Variants in ADCK1 observed in about 807,000 individuals in gnomAD.
The protein encoded by ADCK1 is aarF domain-containing protein kinase 1.
ADCK1 carries 41 observed loss-of-function variants against 52.3 expected under a neutral mutation model. The ratio of observed to expected loss-of-function variants is 0.78; its 90% CI spans 0.61 to 1.02. The LOEUF is 1.02. Ranked by LOEUF, ADCK1 falls within the 50% of genes least tolerant of loss-of-function variation. The probability of loss-of-function intolerance (pLI) is 0.00; values close to 1 mark genes in which losing one functional copy is unlikely to be tolerated. For synonymous variants in ADCK1, 250 were observed against 274.6 expected, an observed-to-expected ratio of 0.91 and a Z score of 0.89; for missense variants, 658 against 679.5, an observed-to-expected ratio of 0.97 and a Z score of 0.35.
chr14:77,912,966 C>G (rs77414556), intron 7 of ADCK1, among the ~76,000 whole-genome samples: 5,690 of 152,288 alleles, frequency 0.037, 156 homozygotes, highest in South Asian at 0.064. Context: ...CACATCCTCT[C>G]TCTGGTCCTC....
chr14:77,845,578 C>T (rs1485033123), intron 3 of ADCK1, among the ~76,000 whole-genome samples: 5 of 152,114 alleles, frequency 3.3e-5, no homozygotes, highest in Non-Finnish European at 7.4e-5. Flanking sequence ...ACATGCATCA[C>T]CACACCCGGC....
At chr14:77,839,255 GA>G (rs2082018427) in intron 3 of ADCK1, among the ~76,000 whole-genome samples, 1 of 152,182 alleles carries the variant, frequency 6.6e-6, no homozygotes, top group Admixed American at 6.5e-5. Flanking sequence ...ACTGTTAGAG[GA>G]AGAGGCAGGG....
chr14:77,909,420 C>T (rs992579057), intron 7 of ADCK1, among the ~76,000 whole-genome samples: 1 of 152,200 alleles, frequency 6.6e-6, no homozygotes, highest in African/African-American at 2.4e-5. Flanking sequence ...CAGGCGTGAG[C>T]CACCGCGCCT....
At chr14:77,908,129 A>G (rs1249210570) in intron 7 of ADCK1, 1 of 454,816 alleles carries the variant, frequency 2.2e-6, no homozygotes, top group African/African-American at 2.0e-5. Flanking sequence ...CTGCAGGGAC[A>G]TGCTGAACCC....
chr14:77,843,584 A>G (rs1406406048), intron 3 of ADCK1, among the ~76,000 whole-genome samples: 1 of 152,162 alleles, frequency 6.6e-6, no homozygotes, highest in Non-Finnish European at 1.5e-5. Flanking sequence ...GTGTGATGGC[A>G]GGCTTGCTCA....
At chr14:77,836,934 C>T (rs144724374) in intron 3 of ADCK1, among the ~76,000 whole-genome samples, 291 of 151,710 alleles carry the variant, frequency 1.9e-3, no homozygotes, top group African/African-American at 6.4e-3. Context: ...CCACCTCATC[C>T]GGCTACAGGG....
intron 3 of ADCK1, chr14:77,827,895 C>G: frequency 2.5e-6 from 1 of 401,746 alleles, no homozygotes; most frequent in South Asian, 1.8e-5. Context: ...TTGGCGTGAT[C>G]TCGGCTCACT....
At chr14:77,810,302 A>G (rs2081313538) in intron 1 of ADCK1, among the ~76,000 whole-genome samples, 1 of 151,642 alleles carries the variant, frequency 6.6e-6, no homozygotes, top group South Asian at 2.1e-4. Context: ...GTTTGTAGAG[A>G]TGAGGTCTTG....
At chr14:77,861,990 G>A (rs143726818) in intron 4 of ADCK1, among the ~76,000 whole-genome samples, 2 of 152,204 alleles carry the variant, frequency 1.3e-5, no homozygotes, top group Non-Finnish European at 2.9e-5. Context: ...CAGGGAGTGC[G>A]CTGGGGCCAC....
intron 3 of ADCK1, among the ~76,000 whole-genome samples, chr14:77,852,903 A>ACAT (rs2082336547): frequency 3.4e-5 from 1 of 29,440 alleles, no homozygotes; most frequent in African/African-American, 1.9e-4. Context: ...ATATATATAT[A>ACAT]TATATTTTTT....
intron 3 of ADCK1, among the ~76,000 whole-genome samples, chr14:77,831,884 A>G (rs1008376369): frequency 6.6e-6 from 1 of 152,112 alleles, no homozygotes; most frequent in East Asian, 1.9e-4. Flanking sequence ...CTCTATAACT[A>G]TTCCACTGCA....
At chr14:77,927,190 G>A (rs927585032) in intron 9 of ADCK1, among the ~76,000 whole-genome samples, 3 of 152,188 alleles carry the variant, frequency 2.0e-5, no homozygotes, top group African/African-American at 7.2e-5. Context: ...ATTCTCAAAT[G>A]ATGTCATCAA....
chr14:77,857,734 C>T (rs2082451067), intron 3 of ADCK1, among the ~76,000 whole-genome samples: 1 of 152,210 alleles, frequency 6.6e-6, no homozygotes, highest in Non-Finnish European at 1.5e-5. Flanking sequence ...TGTTATTTAA[C>T]TCCTCGCATG....
intron 3 of ADCK1, among the ~76,000 whole-genome samples, chr14:77,829,415 C>G (rs897216600): frequency 6.6e-6 from 1 of 151,004 alleles, no homozygotes; most frequent in Non-Finnish European, 1.5e-5. Flanking sequence ...CCACTTTAGC[C>G]TCCTGAGTAG....
In ADCK1 at chr14:77,871,139, G is replaced by A. The variant is rs373026739; in HGVS notation, c.423+11860G>A. Among the ~76,000 whole-genome samples the A allele has an allele frequency of 5.9e-5, 9 of 152,316 alleles. No homozygotes were observed. In the South Asian group the frequency reaches 1.9e-3, roughly 32 times the overall value. On this transcript the variant is annotated intron_variant, in intron 4 of 10. Coordinates refer to ENST00000238561, the MANE Select transcript of ADCK1 (RefSeq NM_020421.4). ...AAAACAAACAATAATTTGAGTAAAA[G>A]TGATGTTGTGGGATGCTCAGATGTT...
rs139762949 is a variant in ADCK1, at chr14:77,870,223, G to A, written c.423+10944G>A. The stretch of plus-strand genomic sequence containing the variant: ...TCTGAGGAGGCAGAGGCCCTGAGAA[G>A]GTAACAGCTATGTTCATGTAGCCAG... On this transcript the variant is annotated intron_variant, in intron 4 of 10. Transcript: ENST00000238561. 3.9e-4 allele frequency among the ~76,000 whole-genome samples: 60 copies of A among 152,368 alleles called. No individual in the cohort carries two copies. In the East Asian group the frequency reaches 9.8e-3, roughly 25 times the overall value.
At chr14:77,885,804 A>G (rs2083134462) in intron 4 of ADCK1, among the ~76,000 whole-genome samples, 1 of 152,246 alleles carries the variant, frequency 6.6e-6, no homozygotes, top group African/African-American at 2.4e-5. Flanking sequence ...GTGAGGCTGC[A>G]CAGAGGCTTA....
At chr14:77,861,554 CCTT>C (rs71952433) in intron 4 of ADCK1, among the ~76,000 whole-genome samples, 9,725 of 152,164 alleles carry the variant, frequency 0.064, 697 homozygotes, top group African/African-American at 0.18. Context: ...AGCCCTAAGA[CCTT>C]CTGCAGAAAG....
At chr14:77,847,645 G>A (rs1304991576) in intron 3 of ADCK1, among the ~76,000 whole-genome samples, 4 of 152,150 alleles carry the variant, frequency 2.6e-5, no homozygotes, top group East Asian at 1.9e-4. Flanking sequence ...AAGGGTTATC[G>A]TTGAAGATTG....
Sources: allele counts gnomAD v4.1 joint callset (sites outside exome capture counted in the v4.1 genomes callset), GRCh38; gene constraint gnomAD v4.1.1; transcripts MANE v1.5; gene names NCBI Gene and HGNC (gene_info 2026-07-23, HGNC 2026-07-21).